Variants in SHPK observed in about 807,000 individuals in gnomAD.
SHPK encodes the protein carbohydrate kinase-like protein.
In SHPK, 51 loss-of-function variants were observed where a neutral mutation model predicts 46.3. The ratio of observed to expected loss-of-function variants is 1.10; its 90% confidence interval spans 0.88 to 1.39. The LOEUF (loss-of-function observed/expected upper bound fraction) is 1.39, where lower values mean the gene tolerates loss of function less well. Among genes scored for constraint, SHPK ranks in the 40% most tolerant of loss-of-function variants. SHPK has a pLI of 0.00. For missense variants in SHPK, 668 were observed against 641.3 expected, an observed-to-expected ratio of 1.04 and a Z score of -0.45; for synonymous variants, 290 against 273.9, an observed-to-expected ratio of 1.06 and a Z score of -0.58.
rs374243504 is a variant in SHPK, at chr17:3,624,194, G to A, written c.348C>T (p.Phe116=). ...CCAGGTGGCTAACAGCTCGGGGCTC[G>A]AACACCGGGGTAATCCCTCCCTCTG... ...EWTEGGITPV[F]EPRAVSHLVT... Residue 116 remains phenylalanine (F), a synonymous_variant, in exon 3 of 7, where the codon TTC becomes TTT. Coordinates refer to ENST00000225519, the MANE Select transcript of SHPK (RefSeq NM_013276.4). The A allele has an allele frequency of 5.6e-6, 9 of 1,613,746 alleles. No individual in the cohort carries two copies. Among genetic ancestry groups the A allele is most frequent in the Admixed American group, 3.3e-5 (2 of 59,984 alleles).
intron 2 of SHPK, among the ~76,000 whole-genome samples, chr17:3,628,205 C>G (rs1240133650): frequency 6.6e-6 from 1 of 152,158 alleles, no homozygotes; most frequent in African/African-American, 2.4e-5. Flanking sequence ...CGTCCATCTT[C>G]TGCTTAAAAT....
rs983631091 is a variant in SHPK at position 3,625,380 on chromosome 17, A to G, written c.311-1149T>C. Among the ~76,000 whole-genome samples the G allele has an allele frequency of 2.0e-5, 3 of 152,208 alleles. No individual in the cohort carries two copies. The East Asian group carries it at 5.8e-4, about 29-fold the overall frequency. On this transcript the variant is annotated intron_variant, in intron 2 of 6. Coordinates refer to ENST00000225519, the MANE Select transcript of SHPK (RefSeq NM_013276.4). Reference sequence around the variant, plus strand: ...GGACTCCCAAGGCTAGGTCATAAGAAGTACTGCAGCTCCCGCCCAAGCCTC... The same window carrying G: ...GGACTCCCAAGGCTAGGTCATAAGAGGTACTGCAGCTCCCGCCCAAGCCTC...
intron 2 of SHPK, among the ~76,000 whole-genome samples, chr17:3,624,483 A>G (rs1261915963): frequency 6.6e-6 from 1 of 151,898 alleles, no homozygotes; most frequent in Non-Finnish European, 1.5e-5. Context: ...TCTTTTTTGA[A>G]GTTGATATCA....
At chr17:3,612,016 C>G (rs139281126) in intron 6 of SHPK, among the ~76,000 whole-genome samples, 8 of 151,880 alleles carry the variant, frequency 5.3e-5, no homozygotes, top group African/African-American at 1.9e-4. Context: ...ATTGGACAGG[C>G]TGGTCTCAAG....
Position 3,610,848 on chromosome 17 carries a change from G to A in SHPK, c.1149C>T (p.Ala383=). 2 of 1,614,110 alleles carry A rather than the reference G, an allele frequency of 1.2e-6. No homozygotes were observed. The highest frequency in any genetic ancestry group is 1.7e-6 in the Non-Finnish European group (2 of 1,180,030). The stretch of plus-strand genomic sequence containing the variant: ...CGGAGGAGGAGATTCTGGTCACTGA[G>A]GCCAGCTGGTCCGGCAGGTGCCTCT... ...LGERHLPDQL[A]SVTRISSSDL... The change falls in exon 7 of 7, where the codon GCC becomes GCT. Residue 383 remains alanine, a synonymous_variant. Coordinates refer to ENST00000225519, the MANE Select transcript of SHPK (RefSeq NM_013276.4).
chr17:3,612,417 C>T (rs1279184196), intron 6 of SHPK, among the ~76,000 whole-genome samples: 1 of 140,578 alleles, frequency 7.1e-6, no homozygotes, highest in African/African-American at 2.9e-5. Context: ...CAGTGCGAGA[C>T]TCAGTCTTAA....
In SHPK at chr17:3,620,719, C is replaced by A. The variant is rs565003522; in HGVS notation, c.823+518G>T. 6.6e-5 allele frequency among the ~76,000 whole-genome samples: 10 copies of A among 152,034 alleles called. No individual in the cohort carries two copies. In the East Asian group the frequency reaches 1.7e-3, roughly 27 times the overall value. On this transcript the variant is annotated intron_variant, in intron 5 of 6. Transcript: ENST00000225519. ...GGGATTACAGGCACCCACCACCACA[C>A]CTGGCTAATTTTGGTATTTTTAGTA... is the stretch of plus-strand genomic sequence containing the variant.
chr17:3,630,408 C>T, intron 1 of SHPK, 62 bp from the exon 2 acceptor site: 1 of 1,505,004 alleles, frequency 6.6e-7, no homozygotes, highest in Non-Finnish European at 8.9e-7. Flanking sequence ...GGGGCGCAGG[C>T]CTCCCGGGAT....
chr17:3,636,152 C>T lies in SHPK; in HGVS notation c.68G>A (p.Arg23Lys), dbSNP rs2075524773. Residue 23 changes from arginine (R) to lysine (K), a missense_variant, in exon 1 of 7, where the codon AGG becomes AAG. Transcript: ENST00000225519. ...GTTSVKAALL[R>K]AAPDDPSGFA... ...CCCGGATGGGTCGTCGGGCGCGGCC[C>T]TCAGCAGAGCTGCCTTCACAGATGT... The T allele has an allele frequency of 2.5e-6, 4 of 1,612,172 alleles. No individual in the cohort carries two copies. The African/African-American group carries it at 4.0e-5, about 16-fold the overall frequency.
chr17:3,612,621 C>T (rs6502735), intron 6 of SHPK, among the ~76,000 whole-genome samples: 21 of 152,078 alleles, frequency 1.4e-4, no homozygotes, highest in Non-Finnish European at 2.5e-4. Context: ...TTGCAGGCTG[C>T]GGGCTGGAAT....
At chr17:3,633,435 A>G (rs1209092699) in intron 1 of SHPK, among the ~76,000 whole-genome samples, 1 of 151,526 alleles carries the variant, frequency 6.6e-6, no homozygotes, top group East Asian at 1.9e-4. Flanking sequence ...TAAACATTCT[A>G]CAACATGCAG....
intron 2 of SHPK, 139 bp downstream of exon 2, chr17:3,630,066 C>T (rs1464326424): frequency 6.7e-6 from 7 of 1,050,176 alleles, no homozygotes; most frequent in African/African-American, 3.1e-5. Context: ...GGAGGCAGCA[C>T]GTATTCGTCC....
intron 3 of SHPK, among the ~76,000 whole-genome samples, chr17:3,623,779 C>T (rs1318508142): frequency 1.3e-5 from 2 of 152,228 alleles, no homozygotes; most frequent in Non-Finnish European, 2.9e-5. Context: ...GAACACACTG[C>T]GAACTCTCCC....
intron 4 of SHPK, 23 bp from the exon 5 acceptor site, chr17:3,621,435 C>A (rs771296636): frequency 3.1e-6 from 5 of 1,606,136 alleles, no homozygotes; most frequent in Non-Finnish European, 4.3e-6. Context: ...AGTGGACACC[C>A]ACATGGACCC....
rs371958939 is a variant in SHPK, at chr17:3,631,512, C to CTTTTTTT, written c.169-1173_169-1167dup. 6.0e-3 allele frequency among the ~76,000 whole-genome samples: 320 copies of CTTTTTTT among 53,044 alleles called. 106 individuals are homozygous for CTTTTTTT. The highest frequency in any genetic ancestry group is 0.01 in the African/African-American group (114 of 11,290). The allele number at this position is 53,044 out of a possible 152,430, so 34.8% of individuals were successfully genotyped here. A position where few individuals can be genotyped will look rare whatever the true frequency, so the allele number is the denominator to read the frequency against. On this transcript the variant is annotated intron_variant, in intron 1 of 6. Transcript: ENST00000225519. ...AAAATATACACTATCTAATTTAATG[C>CTTTTTTT]TTTTTTTTTTTTTTTTTTTTTTTTT... is the stretch of plus-strand genomic sequence containing the variant.
intron 3 of SHPK, 39 bp from the exon 4 acceptor site, chr17:3,623,530 T>G (rs766714479): frequency 6.8e-6 from 11 of 1,608,736 alleles, no homozygotes; most frequent in Non-Finnish European, 9.4e-6. Context: ...CGGTATAACA[T>G]GAACTCGGAA....
intron 1 of SHPK, among the ~76,000 whole-genome samples, chr17:3,634,620 G>A (rs16953341): frequency 0.098 from 14,699 of 149,692 alleles, 2,429 homozygotes; most frequent in African/African-American, 0.34. Context: ...GGAGAAACTG[G>A]CACTTTCTGA....
intron 1 of SHPK, among the ~76,000 whole-genome samples, chr17:3,635,244 AG>A (rs1375970881): frequency 2.0e-4 from 13 of 63,816 alleles, no homozygotes; most frequent in East Asian, 6.0e-4. Flanking sequence ...GAAGGAAGGA[AG>A]GGAAGGAAGG....
chr17:3,618,899 T>C lies in SHPK; in HGVS notation c.823+2338A>G, dbSNP rs2075383591. Among the ~76,000 whole-genome samples the C allele has an allele frequency of 2.0e-5, 3 of 152,210 alleles. No homozygotes were observed. In the South Asian group the frequency reaches 6.2e-4, roughly 31 times the overall value. ...CAACTTTTTGTGTGGATATCATTTG[T>C]TTTCAGTTCTCCTGGGTGTATTTCT... On this transcript the variant is annotated intron_variant, in intron 5 of 6. Transcript: ENST00000225519.
Sources: gnomAD v4.1 joint callset for allele counts (sites outside exome capture counted in the v4.1 genomes callset) on GRCh38, gnomAD v4.1.1 for gene constraint, MANE v1.5 for transcripts, NCBI Gene and HGNC (gene_info 2026-07-23, HGNC 2026-07-21) for gene names.